SNTG2: variants seen among roughly 807,000 people sequenced by gnomAD.
SNTG2 encodes syntrophin gamma 2.
SNTG2 carries 74 observed loss-of-function variants against 70.9 expected under a neutral mutation model. That is an observed-to-expected ratio of 1.04 (90% CI 0.86 to 1.27). The LOEUF (loss-of-function observed/expected upper bound fraction) is 1.27. SNTG2 is among the 50% of genes most tolerant of loss of function. SNTG2 has a pLI of 0.00. For synonymous variants in SNTG2, 278 were observed against 273.8 expected (o/e 1.02, Z -0.15); for missense variants, 717 against 690.7 (o/e 1.04, Z -0.43).
intron 1 of SNTG2, among the ~76,000 whole-genome samples, chr2:1,073,472 T>C (rs911398369): frequency 2.0e-5 from 3 of 152,236 alleles, no homozygotes; most frequent in African/African-American, 7.2e-5. Context: ...GTATATACAT[T>C]GTTTTATACG....
At chr2:960,464 T>G (rs1167530009) in intron 1 of SNTG2, among the ~76,000 whole-genome samples, 3 of 152,230 alleles carry the variant, frequency 2.0e-5, no homozygotes, top group African/African-American at 7.2e-5. Flanking sequence ...GTCTCCCAGG[T>G]GAGCCCTGGA....
chr2:1,184,823 G>C (rs1016318359), intron 8 of SNTG2, among the ~76,000 whole-genome samples: 1 of 152,018 alleles, frequency 6.6e-6, no homozygotes, highest in African/African-American at 2.4e-5. Flanking sequence ...TTCCACCTTT[G>C]ACCCCTGCCA....
At chr2:1,209,049 C>T (rs1033230779) in intron 8 of SNTG2, 54 bp from the exon 9 acceptor site, 25 of 1,598,538 alleles carry the variant, frequency 1.6e-5, no homozygotes, top group Admixed American at 5.1e-5. Flanking sequence ...TGCCTCTCCC[C>T]GCATGCAGCC....
At chr2:1,063,526 A>G (rs2148118847) in intron 1 of SNTG2, among the ~76,000 whole-genome samples, 1 of 152,278 alleles carries the variant, frequency 6.6e-6, no homozygotes, top group South Asian at 2.1e-4. Flanking sequence ...AGAATAGGAA[A>G]CCCAGGGATG....
intron 6 of SNTG2, among the ~76,000 whole-genome samples, chr2:1,142,321 C>T (rs1668809700): frequency 6.6e-6 from 1 of 152,218 alleles, no homozygotes. Flanking sequence ...ACCAACGCAC[C>T]TGATCTGAAG....
intron 6 of SNTG2, among the ~76,000 whole-genome samples, chr2:1,156,819 G>A (rs1337895743): frequency 6.6e-6 from 1 of 152,116 alleles, no homozygotes; most frequent in Non-Finnish European, 1.5e-5. Context: ...GGCCTGCGGT[G>A]AAAGAGGACC....
At chr2:1,031,526 ATATTTTTTTT>A (rs1377765889) in intron 1 of SNTG2, among the ~76,000 whole-genome samples, 2 of 54,164 alleles carry the variant, frequency 3.7e-5, no homozygotes, top group African/African-American at 1.9e-4. Context: ...ATATATATAT[ATATTTTTTTT>A]TTTTTTTTTT....
rs965105272 is a variant in SNTG2 at position 1,156,235 on chromosome 2, C to T, written c.412-9313C>T. 2.6e-5 allele frequency among the ~76,000 whole-genome samples: 4 copies of T among 152,058 alleles called. 1 individual carries two copies. Among genetic ancestry groups the T allele is most frequent in the African/African-American group, 7.2e-5 (3 of 41,408 alleles). ...GGAAACATTGTGATGTAGGACGAGG[C>T]GAATGCATGGGGCAGAGGCTCAAAG... is the stretch of plus-strand genomic sequence containing the variant. On this transcript the variant is annotated intron_variant, in intron 6 of 16. Transcript: ENST00000308624.
chr2:1,308,211 T>C (rs1446936524), intron 14 of SNTG2, among the ~76,000 whole-genome samples: 1 of 152,208 alleles, frequency 6.6e-6, no homozygotes, highest in Non-Finnish European at 1.5e-5. Context: ...AGAGATTGGC[T>C]GGGCTCTGTG....
At chr2:1,321,858 C>A (rs1205901513) in intron 16 of SNTG2, among the ~76,000 whole-genome samples, 3 of 47,248 alleles carry the variant, frequency 6.3e-5, no homozygotes, top group East Asian at 1.9e-3. Flanking sequence ...AAAAGCAAAG[C>A]CTTCTTTCTT....
chr2:1,141,516 A>G (rs533131400), intron 6 of SNTG2, among the ~76,000 whole-genome samples: 3 of 152,338 alleles, frequency 2.0e-5, no homozygotes, highest in South Asian at 2.1e-4. Flanking sequence ...CTGGAGTTCC[A>G]TCTGTTGATA....
At chr2:1,361,831 A>G (rs1182311558) in intron 16 of SNTG2, among the ~76,000 whole-genome samples, 2 of 140,438 alleles carry the variant, frequency 1.4e-5, no homozygotes, top group South Asian at 2.4e-4. Flanking sequence ...CTTCCATGAA[A>G]GTCACGGATG....
intron 12 of SNTG2, chr2:1,256,285 G>A (rs1234885290): frequency 1.3e-5 from 2 of 152,086 alleles, no homozygotes; most frequent in African/African-American, 2.4e-5. Context: ...GTGTCGTGAC[G>A]TGGTGCATGA....
intron 15 of SNTG2, among the ~76,000 whole-genome samples, chr2:1,315,969 G>A (rs532795197): frequency 1.3e-4 from 20 of 152,238 alleles, no homozygotes; most frequent in Middle Eastern, 6.8e-3. Flanking sequence ...CAGAGGGGTC[G>A]ACTGCAGGTG....
intron 12 of SNTG2, among the ~76,000 whole-genome samples, chr2:1,257,509 T>C (rs144404222): frequency 1.3e-5 from 2 of 152,240 alleles, no homozygotes; most frequent in African/African-American, 4.8e-5. Flanking sequence ...AAACAGATGA[T>C]GGATGCAGCG....
At chr2:1,218,878 G>A (rs1365504070) in intron 9 of SNTG2, among the ~76,000 whole-genome samples, 1 of 152,152 alleles carries the variant, frequency 6.6e-6, no homozygotes, top group African/African-American at 2.4e-5. Context: ...ATACTTTACT[G>A]CTTTCTAAGA....
intron 14 of SNTG2, among the ~76,000 whole-genome samples, chr2:1,289,917 CTT>C (rs1679922421): frequency 6.6e-6 from 1 of 152,184 alleles, no homozygotes; most frequent in Admixed American, 6.5e-5. Flanking sequence ...ACTTATTTAA[CTT>C]AGCATAATGT....
intron 16 of SNTG2, among the ~76,000 whole-genome samples, chr2:1,338,153 GT>G (rs761787543): frequency 6.6e-6 from 1 of 152,090 alleles, no homozygotes; most frequent in Non-Finnish European, 1.5e-5. Flanking sequence ...TTCAGACTTT[GT>G]TTATTTGTTT....
At chr2:1,087,678 C>T (rs11891572) in intron 2 of SNTG2, among the ~76,000 whole-genome samples, 83,757 of 152,048 alleles carry the variant, frequency 0.55, 23,561 homozygotes, top group East Asian at 0.64. Context: ...CATTAAATAA[C>T]GTATGGTAAT....
Sources: gnomAD v4.1 joint callset for allele counts (sites outside exome capture counted in the v4.1 genomes callset) on GRCh38, gnomAD v4.1.1 for gene constraint, MANE v1.5 for transcripts, NCBI Gene and HGNC (gene_info 2026-07-23, HGNC 2026-07-21) for gene names.